Variants in B3GALT1 observed in about 807,000 individuals in gnomAD.
B3GALT1 encodes the protein beta-1,3-galactosyltransferase 1.
A neutral mutation model predicts 23.2 loss-of-function variants in B3GALT1; 10 were observed. That is an observed-to-expected ratio of 0.43 (90% CI 0.27 to 0.73). B3GALT1 has a LOEUF of 0.73. B3GALT1 is among the 30% of genes least tolerant of loss of function. The pLI is 0.21. For synonymous variants in B3GALT1, 156 were observed against 141.5 expected (o/e 1.10, Z -0.73); for missense variants, 299 against 405.4 (o/e 0.74, Z 2.25).
intron 2 of B3GALT1, among the ~76,000 whole-genome samples, chr2:167,515,319 A>C (rs1008951655): frequency 1.1e-4 from 17 of 152,276 alleles, no homozygotes; most frequent in African/African-American, 4.1e-4. Flanking sequence ...TATTACATTC[A>C]CTATGCTTAA....
intron 3 of B3GALT1, among the ~76,000 whole-genome samples, chr2:167,661,416 C>T (rs1210764237): frequency 1.3e-5 from 2 of 152,030 alleles, no homozygotes; most frequent in Non-Finnish European, 2.9e-5. Flanking sequence ...CTGATTTCTT[C>T]AAACTGATGA....
intron 1 of B3GALT1, among the ~76,000 whole-genome samples, chr2:167,372,175 G>A (rs1697696236): frequency 6.6e-6 from 1 of 151,910 alleles, no homozygotes; most frequent in African/African-American, 2.4e-5. Flanking sequence ...AAAATGAAAA[G>A]CTAATGTAAC....
intron 1 of B3GALT1, among the ~76,000 whole-genome samples, chr2:167,445,037 T>C (rs550501860): frequency 1.3e-5 from 2 of 152,342 alleles, no homozygotes; most frequent in Admixed American, 6.5e-5. Flanking sequence ...CTGCTTTAAA[T>C]GTGTCCCAGA....
chr2:167,799,288 T>A (rs1688595428), intron 3 of B3GALT1, among the ~76,000 whole-genome samples: 1 of 152,150 alleles, frequency 6.6e-6, no homozygotes, highest in South Asian at 2.1e-4. Context: ...GCTCCCACCG[T>A]CCGAACAGTG....
intron 1 of B3GALT1, among the ~76,000 whole-genome samples, chr2:167,382,112 C>CCTGT (rs1247992795): frequency 1.3e-5 from 2 of 152,146 alleles, no homozygotes; most frequent in South Asian, 4.1e-4. Flanking sequence ...ATGTAATTTT[C>CCTGT]CTGTATCTTT....
chr2:167,530,769 A>G (rs1683313295), intron 2 of B3GALT1, among the ~76,000 whole-genome samples: 1 of 152,200 alleles, frequency 6.6e-6, no homozygotes. Flanking sequence ...ACCTTTTCCA[A>G]TATTTAATTA....
At chr2:167,673,520 A>G (rs991908027) in intron 3 of B3GALT1, among the ~76,000 whole-genome samples, 1 of 151,978 alleles carries the variant, frequency 6.6e-6, no homozygotes, top group Non-Finnish European at 1.5e-5. Context: ...CCTTAGTTCT[A>G]CCCATTTACT....
chr2:167,740,738 T>C (rs1687565975), intron 3 of B3GALT1, among the ~76,000 whole-genome samples: 2 of 152,142 alleles, frequency 1.3e-5, no homozygotes, highest in Non-Finnish European at 2.9e-5. Context: ...AATAAAAAAT[T>C]TCTAGGAATA....
intron 1 of B3GALT1, among the ~76,000 whole-genome samples, chr2:167,362,875 A>G (rs1350839089): frequency 6.6e-6 from 1 of 152,094 alleles, no homozygotes; most frequent in Non-Finnish European, 1.5e-5. Context: ...TATTTTTTTG[A>G]GACGGAGTCT....
chr2:167,685,772 C>T (rs897445023), intron 3 of B3GALT1, among the ~76,000 whole-genome samples: 5 of 152,286 alleles, frequency 3.3e-5, no homozygotes, highest in South Asian at 4.1e-4. Context: ...AGTGTAGCCA[C>T]GTGCTCAATG....
chr2:167,555,447 T>C (rs1683827494), intron 2 of B3GALT1, among the ~76,000 whole-genome samples: 1 of 152,168 alleles, frequency 6.6e-6, no homozygotes, highest in Admixed American at 6.5e-5. Context: ...ATTCAATCTT[T>C]TATGGGTATT....
At chr2:167,829,661 A>T (rs1417408768) in intron 4 of B3GALT1, among the ~76,000 whole-genome samples, 1 of 152,060 alleles carries the variant, frequency 6.6e-6, no homozygotes, top group East Asian at 1.9e-4. Context: ...GTCTCAGTTG[A>T]TGCCTTTCCT....
At chr2:167,804,439 T>C (rs1244577400) in intron 3 of B3GALT1, among the ~76,000 whole-genome samples, 1 of 152,096 alleles carries the variant, frequency 6.6e-6, no homozygotes, top group Non-Finnish European at 1.5e-5. Context: ...AACTCGTCTT[T>C]TAACATTAGG....
intron 3 of B3GALT1, among the ~76,000 whole-genome samples, chr2:167,811,484 A>T (rs1187192495): frequency 6.6e-6 from 1 of 152,154 alleles, no homozygotes; most frequent in Non-Finnish European, 1.5e-5. Flanking sequence ...ATCAATAAAA[A>T]CCTATGGTGA....
intron 1 of B3GALT1, among the ~76,000 whole-genome samples, chr2:167,464,316 A>G (rs935305920): frequency 6.6e-6 from 1 of 152,198 alleles, no homozygotes; most frequent in African/African-American, 2.4e-5. Flanking sequence ...CTTGATCTGT[A>G]TGAAATATAA....
At chr2:167,594,590 T>C (rs776452887) in intron 2 of B3GALT1, among the ~76,000 whole-genome samples, 1 of 152,152 alleles carries the variant, frequency 6.6e-6, no homozygotes, top group Non-Finnish European at 1.5e-5. Flanking sequence ...CTTTTGGCAT[T>C]ACAGCCTTGA....
intron 1 of B3GALT1, among the ~76,000 whole-genome samples, chr2:167,439,801 CTATT>C (rs890843657): frequency 1.3e-5 from 2 of 151,594 alleles, no homozygotes; most frequent in African/African-American, 2.4e-5. Flanking sequence ...TTCTTCCTCC[CTATT>C]TACTTTTCAG....
intron 3 of B3GALT1, among the ~76,000 whole-genome samples, chr2:167,788,725 C>A (rs1304941147): frequency 1.3e-5 from 2 of 152,008 alleles, no homozygotes; most frequent in Non-Finnish European, 2.9e-5. Context: ...TTGGGGACCC[C>A]TAATTTAGAT....
intron 1 of B3GALT1, among the ~76,000 whole-genome samples, chr2:167,377,409 T>G (rs189725597): frequency 6.6e-6 from 1 of 152,282 alleles, no homozygotes; most frequent in East Asian, 1.9e-4. Flanking sequence ...CAGTAATCTG[T>G]CTACTGGTGT....
Sources: gnomAD v4.1 joint callset for allele counts (sites outside exome capture counted in the v4.1 genomes callset) on GRCh38, gnomAD v4.1.1 for gene constraint, MANE v1.5 for transcripts, NCBI Gene and HGNC (gene_info 2026-07-23, HGNC 2026-07-21) for gene names.